FOXP1: variants seen among roughly 807,000 people sequenced by gnomAD.
FOXP1 encodes the protein forkhead box protein P1.
In FOXP1, 15 loss-of-function variants were observed where a neutral mutation model predicts 98.2. That is an observed-to-expected ratio of 0.15 (90% confidence interval 0.10 to 0.24). The LOEUF (loss-of-function observed/expected upper bound fraction) is 0.24. Among genes scored for constraint, FOXP1 ranks in the 10% least tolerant of loss-of-function variants. The probability of loss-of-function intolerance (pLI) is 1.00; values close to 1 mark genes in which losing one functional copy is unlikely to be tolerated. For synonymous variants in FOXP1, 371 were observed against 314.5 expected (o/e 1.18, Z -1.90); for missense variants, 633 against 848.5 (o/e 0.75, Z 3.15).
At chr3:71,306,812 T>G (rs751126152) in intron 4 of FOXP1, among the ~76,000 whole-genome samples, 1 of 152,208 alleles carries the variant, frequency 6.6e-6, no homozygotes, top group Non-Finnish European at 1.5e-5. Flanking sequence ...TGCTTTTAAC[T>G]GAGTGGCCTC....
intron 12 of FOXP1, among the ~76,000 whole-genome samples, chr3:71,010,059 G>C (rs1446544557): frequency 6.6e-6 from 1 of 151,700 alleles, no homozygotes; most frequent in Non-Finnish European, 1.5e-5. Context: ...GTCTTGCCTG[G>C]TGTACCTTTT....
intron 5 of FOXP1, among the ~76,000 whole-genome samples, chr3:71,202,547 G>A (rs1408546369): frequency 6.6e-6 from 1 of 152,168 alleles, no homozygotes; most frequent in Non-Finnish European, 1.5e-5. Flanking sequence ...AAGGCTAGGA[G>A]GGAGATAAGG....
intron 4 of FOXP1, among the ~76,000 whole-genome samples, chr3:71,319,201 C>T (rs543264411): frequency 8.5e-5 from 13 of 152,266 alleles, no homozygotes; most frequent in Non-Finnish European, 1.5e-4. Context: ...CCCACAATGG[C>T]CTCAGAGCTT....
At chr3:71,130,089 A>C (rs1289273360) in intron 6 of FOXP1, among the ~76,000 whole-genome samples, 4 of 152,224 alleles carry the variant, frequency 2.6e-5, no homozygotes, top group Non-Finnish European at 5.9e-5. Context: ...AATTCTGTAG[A>C]TGCAGAATTA....
rs1553648184 is a variant in FOXP1, at chr3:70,955,832, G to GCGCGCACACACA, written c.*3414_*3415insTGTGTGTGCGCG. 1.6e-5 allele frequency: 3 copies of GCGCGCACACACA among 182,882 alleles called. No homozygotes were observed. Among genetic ancestry groups the GCGCGCACACACA allele is most frequent in the African/African-American group, 6.9e-5 (3 of 43,408 alleles). The allele number at this position is 182,882 out of a possible 1,614,324, so 11.3% of individuals were successfully genotyped here. ...AACAGATTAACACACACGCACGCGC[G>GCGCGCACACACA]CACACACACACACACACACACACAA... On this transcript the variant is annotated 3_prime_UTR_variant, in exon 21 of 21. Transcript: ENST00000649528.
chr3:71,099,540 A>G (rs765832700), intron 7 of FOXP1, among the ~76,000 whole-genome samples: 1 of 152,144 alleles, frequency 6.6e-6, no homozygotes, highest in Non-Finnish European at 1.5e-5. Context: ...AAAACAAAAC[A>G]AAACAAAAAA....
intron 5 of FOXP1, among the ~76,000 whole-genome samples, chr3:71,277,261 CTTTT>C (rs34816352): frequency 3.7e-5 from 5 of 133,718 alleles, no homozygotes; most frequent in Admixed American, 7.6e-5. Context: ...CCTGGCTGAA[CTTTT>C]TTTTTTTTTT....
chr3:71,297,423 G>T (rs1346829858), intron 5 of FOXP1, among the ~76,000 whole-genome samples: 1 of 149,582 alleles, frequency 6.7e-6, no homozygotes. Context: ...CAGGTAACAG[G>T]TGAAAGAACG....
intron 5 of FOXP1, among the ~76,000 whole-genome samples, chr3:71,266,098 G>A (rs1444153534): frequency 6.6e-6 from 1 of 152,072 alleles, no homozygotes; most frequent in Admixed American, 6.5e-5. Context: ...TGGATGAAGA[G>A]TTAACACAGC....
intron 4 of FOXP1, among the ~76,000 whole-genome samples, chr3:71,355,012 G>A (rs1229194464): frequency 6.6e-6 from 1 of 152,222 alleles, no homozygotes; most frequent in Non-Finnish European, 1.5e-5. Flanking sequence ...AAATGATTCT[G>A]TCTTCATGGG....
chr3:71,583,863 G>A (rs894602825), upstream of FOXP1: 25 of 985,634 alleles, frequency 2.5e-5, no homozygotes, highest in African/African-American at 4.2e-4. Context: ...GCGCACCCCG[G>A]CCCGACCCTC....
At chr3:71,183,441 G>C (rs2062453165) in intron 6 of FOXP1, among the ~76,000 whole-genome samples, 1 of 152,166 alleles carries the variant, frequency 6.6e-6, no homozygotes, top group Admixed American at 6.5e-5. Flanking sequence ...GGAGGTTGCA[G>C]TGAGCCGAGA....
intron 2 of FOXP1, among the ~76,000 whole-genome samples, chr3:71,529,714 T>C (rs567089333): frequency 6.6e-6 from 1 of 152,326 alleles, no homozygotes; most frequent in African/African-American, 2.4e-5. Flanking sequence ...TTCTGAATGC[T>C]GAACATGTCG....
intron 20 of FOXP1, among the ~76,000 whole-genome samples, chr3:70,965,254 G>A (rs1443881314): frequency 3.3e-5 from 5 of 152,174 alleles, no homozygotes; most frequent in Non-Finnish European, 4.4e-5. Context: ...CCTGGCCTCC[G>A]CCTTTCCTGT....
intron 5 of FOXP1, among the ~76,000 whole-genome samples, chr3:71,262,957 C>G (rs990999721): frequency 6.6e-6 from 1 of 152,166 alleles, no homozygotes; most frequent in African/African-American, 2.4e-5. Context: ...ATTGGCAAAA[C>G]GGCTAGCCCT....
intron 5 of FOXP1, among the ~76,000 whole-genome samples, chr3:71,247,376 AC>A (rs567351068): frequency 1.6e-4 from 24 of 152,288 alleles, no homozygotes; most frequent in Non-Finnish European, 3.4e-4. Context: ...GCAGGGAGAA[AC>A]GACAATGGGA....
At chr3:71,136,819 CA>C (rs34383910) in intron 6 of FOXP1, among the ~76,000 whole-genome samples, 21 of 149,188 alleles carry the variant, frequency 1.4e-4, no homozygotes, top group African/African-American at 4.2e-4. Flanking sequence ...AGAAATACAA[CA>C]AAAAAAAAAG....
rs138875488 is a variant in FOXP1 at position 71,088,555 on chromosome 3, T to A, written c.282+23981A>T. Among the ~76,000 whole-genome samples the A allele has an allele frequency of 2.0e-5, 3 of 152,298 alleles. No homozygotes were observed. In the East Asian group the frequency reaches 5.8e-4, roughly 29 times the overall value. ...GATGTTTGTTGAACAGGGAATCTCATGAACAGTCTATTTGAGTTGCGTAAA... is the reference window on the plus strand; with the variant it reads ...GATGTTTGTTGAACAGGGAATCTCAAGAACAGTCTATTTGAGTTGCGTAAA... On this transcript the variant is annotated intron_variant, in intron 7 of 20. Coordinates refer to ENST00000649528, the MANE Select transcript of FOXP1 (RefSeq NM_001349338.3).
At chr3:71,247,020 T>C (rs1436361807) in intron 5 of FOXP1, among the ~76,000 whole-genome samples, 2 of 152,202 alleles carry the variant, frequency 1.3e-5, no homozygotes, top group Non-Finnish European at 2.9e-5. Flanking sequence ...GCGCTACAGC[T>C]CTCAGCATAA....
Sources: allele counts gnomAD v4.1 joint callset (sites outside exome capture counted in the v4.1 genomes callset), GRCh38; gene constraint gnomAD v4.1.1; transcripts MANE v1.5; gene names NCBI Gene and HGNC (gene_info 2026-07-23, HGNC 2026-07-21).